The following USP24 variants were observed in gnomAD, a reference collection of about 807,000 sequenced individuals.
USP24 encodes ubiquitin specific peptidase 24, also known as ubiquitin carboxyl-terminal hydrolase 24.
In USP24, 97 loss-of-function variants were observed where a neutral mutation model predicts 361.6. The ratio of observed to expected loss-of-function variants is 0.27; its 90% CI spans 0.23 to 0.32. The LOEUF is 0.32. Ranked by LOEUF, USP24 falls within the 10% of genes least tolerant of loss-of-function variation. The probability of loss-of-function intolerance (pLI) is 1.00; values close to 1 mark genes in which losing one functional copy is unlikely to be tolerated. For missense variants in USP24, 2,353 were observed against 3,165.6 expected, an observed-to-expected ratio of 0.74 and a Z score of 6.16; for synonymous variants, 1,098 against 1,124.6, an observed-to-expected ratio of 0.98 and a Z score of 0.47.
In USP24 at chr1:55,159,021, G is replaced by A; in HGVS notation, c.1084C>T (p.Pro362Ser). 2 of 1,542,260 alleles carry A rather than the reference G, an allele frequency of 1.3e-6. No homozygotes were observed. Among genetic ancestry groups the A allele is most frequent in the Non-Finnish European group, 1.7e-6 (2 of 1,143,672 alleles). ...AACTTAACGGCAGACAAGAGCTCAGGGATGCTAACCAATCTCTTTTATTGA... is the reference window on the plus strand; with the variant it reads ...AACTTAACGGCAGACAAGAGCTCAGAGATGCTAACCAATCTCTTTTATTGA... ...DLKDKRLVSI[P>S]ELLSAVKLLC... Residue 362 changes from proline (P) to serine (S), a missense_variant, in exon 10 of 68, where the codon CCT becomes TCT. Pro to Ser is a moderately conservative substitution (Grantham distance 74, BLOSUM62 -1). Transcript: ENST00000294383.
chr1:55,153,393 C>T (rs1647302927), intron 16 of USP24, among the ~76,000 whole-genome samples: 2 of 152,180 alleles, frequency 1.3e-5, no homozygotes, highest in Admixed American at 1.3e-4. Flanking sequence ...TGAATGACTG[C>T]CTATAGAATT....
At chr1:55,176,036 C>CT (rs1649947785) in intron 3 of USP24, among the ~76,000 whole-genome samples, 1 of 152,146 alleles carries the variant, frequency 6.6e-6, no homozygotes, top group Admixed American at 6.5e-5. Flanking sequence ...CCTTTGTTTA[C>CT]TAATATGTGC....
rs534471015 is a variant in USP24, at chr1:55,068,770, A to G, written c.*275T>C. 2 of 420,000 alleles carry G rather than the reference A, an allele frequency of 4.8e-6. No homozygotes were observed. The highest frequency in any genetic ancestry group is 4.1e-5 in the Admixed American group (1 of 24,488). 26.0% of individuals were successfully genotyped at this position (420,000 alleles called of 1,614,324 possible). ...AACAAAAAAGTCTGCCACTGGCTCT[A>G]TTTCCGAAAATCTCCACAGAAATGT... On this transcript the variant is annotated 3_prime_UTR_variant, in exon 68 of 68. Transcript: ENST00000294383.
chr1:55,102,316 T>A (rs1294271285), intron 42 of USP24, among the ~76,000 whole-genome samples: 2 of 152,220 alleles, frequency 1.3e-5, no homozygotes, highest in Admixed American at 1.3e-4. Flanking sequence ...ACCATTTTAC[T>A]TACAGGTGTT....
At chr1:55,204,864 T>A (rs1435872553) in intron 1 of USP24, among the ~76,000 whole-genome samples, 1 of 152,232 alleles carries the variant, frequency 6.6e-6, no homozygotes, top group Non-Finnish European at 1.5e-5. Context: ...TGCCTATTCT[T>A]ACCATTTGAA....
chr1:55,095,921 T>G (rs1359199754), intron 50 of USP24, among the ~76,000 whole-genome samples: 1 of 152,190 alleles, frequency 6.6e-6, no homozygotes. Context: ...GAAATACCAC[T>G]AGAAGATTTC....
chr1:55,085,387 A>T (rs1645229836), intron 56 of USP24, among the ~76,000 whole-genome samples: 1 of 152,252 alleles, frequency 6.6e-6, no homozygotes, highest in Admixed American at 6.5e-5. Flanking sequence ...GCTAATGTTT[A>T]TAAGAAGCCA....
chr1:55,116,049 A>G (rs1646106452), intron 38 of USP24, among the ~76,000 whole-genome samples: 3 of 152,198 alleles, frequency 2.0e-5, no homozygotes. Flanking sequence ...GGATAGCATT[A>G]AGAGAAATAC....
At chr1:55,142,495 C>T (rs1646916851) in intron 23 of USP24, among the ~76,000 whole-genome samples, 1 of 152,052 alleles carries the variant, frequency 6.6e-6, no homozygotes, top group Non-Finnish European at 1.5e-5. Flanking sequence ...AGTTCCTATA[C>T]TCCAAAAGGG....
intron 5 of USP24, among the ~76,000 whole-genome samples, chr1:55,167,305 A>T (rs1648982071): frequency 6.6e-6 from 1 of 152,140 alleles, no homozygotes; most frequent in African/African-American, 2.4e-5. Flanking sequence ...GACAAGACAG[A>T]TGTAGCCGTT....
rs763348880 is a variant in USP24, at chr1:55,098,028, C to G, written c.5510G>C (p.Ser1837Thr). 3.7e-6 allele frequency: 6 copies of G among 1,613,524 alleles called. No homozygotes were observed. Among genetic ancestry groups the G allele is most frequent in the African/African-American group, 1.3e-5 (1 of 74,910 alleles). Residue 1837 changes from serine (S) to threonine (T), a missense_variant, in exon 47 of 68, where the codon AGT (serine) becomes ACT (threonine). Around this residue, in one of 8 missense-constraint regions of USP24, gnomAD observed 105 missense variants for 200.3 expected, o/e 0.52. Transcript: ENST00000294383. ...AAATTGGTCCAAAGAAATTTCCAAA[C>G]TCTGACAAGAAGTCACTCCTAGATT... ...ALNLGVTSCQ[S>T]LEISLDQFVR... is the part of the protein sequence containing the mutation.
chr1:55,184,215 T>A (rs1644061704), intron 1 of USP24, among the ~76,000 whole-genome samples: 1 of 151,988 alleles, frequency 6.6e-6, no homozygotes, highest in African/African-American at 2.4e-5. Context: ...CACCACCACG[T>A]CTGGCTAATT....
chr1:55,071,145 A>G (rs966745239), intron 67 of USP24: 6 of 985,336 alleles, frequency 6.1e-6, no homozygotes, highest in Non-Finnish European at 7.2e-6. Context: ...CACCTACTAC[A>G]TCAGTAACAT....
Position 55,147,065 on chromosome 1 carries a change from A to G in USP24, c.2119-5T>C, listed in dbSNP as rs745463593. The G allele has an allele frequency of 6.4e-7, 1 of 1,555,188 alleles. No homozygotes were observed. Among genetic ancestry groups the G allele is most frequent in the Non-Finnish European group, 8.7e-7 (1 of 1,155,872 alleles). ...TTTTAGATGTGCCTCTAAATACTGC[A>G]AAAAGAAATAATGCTAATTAGTTAA... On this transcript the variant is annotated splice_polypyrimidine_tract_variant and splice_region_variant and intron_variant, in intron 18 of 67. Transcript: ENST00000294383.
At chr1:55,145,962 A>C in intron 20 of USP24, 36 bp downstream of exon 20, 1 of 1,417,612 alleles carries the variant, frequency 7.1e-7, no homozygotes, top group Non-Finnish European at 9.9e-7. Flanking sequence ...TCTTACTTAA[A>C]AGTACTGAAA....
At chr1:55,166,676 C>T (rs1034533186) in intron 5 of USP24, 73 bp from the exon 6 acceptor site, 13 of 1,342,484 alleles carry the variant, frequency 9.7e-6, no homozygotes, top group South Asian at 5.6e-5. Context: ...TTTCTTTTAT[C>T]CTAAATGAAA....
intron 59 of USP24, among the ~76,000 whole-genome samples, 177 bp from the exon 60 acceptor site, chr1:55,079,836 A>C (rs917170315): frequency 4.0e-5 from 6 of 151,254 alleles, no homozygotes; most frequent in African/African-American, 1.5e-4. Flanking sequence ...TTGCACACAC[A>C]GTACTCACAC....
At chr1:55,091,539 G>C (rs991944668) in intron 54 of USP24, among the ~76,000 whole-genome samples, 1 of 152,098 alleles carries the variant, frequency 6.6e-6, no homozygotes, top group South Asian at 2.1e-4. Context: ...CCCTGCTCTG[G>C]CACTAAGGGC....
chr1:55,177,665 T>TA (rs34812591), intron 2 of USP24, among the ~76,000 whole-genome samples: 9 of 151,120 alleles, frequency 6.0e-5, no homozygotes, highest in Non-Finnish European at 1.0e-4. Context: ...TTTCTTCTCT[T>TA]AAAAAAAAAG....
Sources: allele counts gnomAD v4.1 joint callset (sites outside exome capture counted in the v4.1 genomes callset), GRCh38; gene constraint gnomAD v4.1.1; regional missense constraint gnomAD v4.1.1; transcripts MANE v1.5; gene names NCBI Gene and HGNC (gene_info 2026-07-23, HGNC 2026-07-21).